The following BRF1 variants were observed in gnomAD, a reference collection of about 807,000 sequenced individuals.
The protein encoded by BRF1 is BRF1 general transcription factor IIIB subunit.
BRF1 carries 59 observed loss-of-function variants against 81.7 expected under a neutral mutation model. That is an observed-to-expected ratio of 0.72 (90% CI 0.59 to 0.90). BRF1 has a LOEUF of 0.90. Among genes scored for constraint, BRF1 ranks in the 40% least tolerant of loss-of-function variants. BRF1 has a pLI of 0.00. For missense variants in BRF1, 1,050 were observed against 936.3 expected, an observed-to-expected ratio of 1.12 and a Z score of -1.58; for synonymous variants, 491 against 395.6, an observed-to-expected ratio of 1.24 and a Z score of -2.86.
intron 14 of BRF1, 111 bp downstream of exon 14, chr14:105,218,887 C>G (rs958587992): frequency 4.7e-6 from 7 of 1,491,534 alleles, no homozygotes; most frequent in Non-Finnish European, 6.4e-6. Flanking sequence ...CGGCTGCCTG[C>G]CCTGGGGCCT....
chr14:105,258,807 G>T (rs190345409), intron 3 of BRF1, among the ~76,000 whole-genome samples: 6 of 150,812 alleles, frequency 4.0e-5, no homozygotes, highest in Non-Finnish European at 5.9e-5. Flanking sequence ...TCAAAAAAAA[G>T]AACTCTATTT....
Position 105,217,819 on chromosome 14 carries a change from GA to G in BRF1, c.1516-20del. On this transcript the variant is annotated intron_variant, in intron 14 of 17. Transcript: ENST00000547530. ...TCTTGGGCTTGAGGGAAACAAGCAAGAATGCCTCCCGTGAGTCACGCCCACT... is the reference window on the plus strand; with the variant it reads ...TCTTGGGCTTGAGGGAAACAAGCAAGATGCCTCCCGTGAGTCACGCCCACT... The G allele has an allele frequency of 6.2e-7, 1 of 1,606,592 alleles. No individual in the cohort carries two copies. The highest frequency in any genetic ancestry group is 8.5e-7 in the Non-Finnish European group (1 of 1,176,092).
intron 1 of BRF1, among the ~76,000 whole-genome samples, chr14:105,296,373 C>T (rs111655006): frequency 0.036 from 5,428 of 151,822 alleles, 180 homozygotes; most frequent in African/African-American, 0.086. Context: ...ATTAGCCGGG[C>T]GTGGTGCTGG....
rs1387338819 is a variant in BRF1 at position 105,211,165 on chromosome 14, G to A, written c.1953C>T (p.Asp651=). The A allele has an allele frequency of 8.1e-6, 13 of 1,612,360 alleles. No individual in the cohort carries two copies. Among genetic ancestry groups the A allele is most frequent in the East Asian group, 6.7e-5 (3 of 44,872 alleles). ...EADEEEPDEE[D]GEPCVSALQM... is the part of the protein sequence containing the mutation. ...GCAGGGCACTGACGCAGGGCTCCCC[G>A]TCCTCCTCGTCAGGCTCCTCCTCGT... The change falls in exon 17 of 18, where the codon GAC becomes GAT. Residue 651 remains aspartate (D), a synonymous_variant. Coordinates refer to ENST00000547530, the MANE Select transcript of BRF1 (RefSeq NM_001519.4).
chr14:105,225,412 C>A (rs928987661), intron 10 of BRF1, among the ~76,000 whole-genome samples: 2 of 152,160 alleles, frequency 1.3e-5, no homozygotes, highest in Admixed American at 6.5e-5. Context: ...TCATTATACC[C>A]GCTTATACCC....
chr14:105,241,059 A>G (rs1050098837), intron 6 of BRF1, among the ~76,000 whole-genome samples: 7 of 152,334 alleles, frequency 4.6e-5, no homozygotes, highest in Admixed American at 4.6e-4. Flanking sequence ...CCCTTATGCC[A>G]GGACACGCAG....
chr14:105,249,504 C>CG, intron 5 of BRF1: 6 of 905,216 alleles, frequency 6.6e-6, no homozygotes, highest in Admixed American at 2.0e-5. Context: ...TGGGGAGGGA[C>CG]GGGTGGGTCC....
chr14:105,249,062 C>G (rs1308920806), intron 5 of BRF1: 1 of 1,319,616 alleles, frequency 7.6e-7, no homozygotes. Context: ...GCTGGCGGTG[C>G]TGCCGCCCCA....
chr14:105,290,962 C>T (rs1248085385), intron 1 of BRF1, among the ~76,000 whole-genome samples: 1 of 152,084 alleles, frequency 6.6e-6, no homozygotes, highest in Non-Finnish European at 1.5e-5. Flanking sequence ...AGAACACTAA[C>T]CCACAGGGAG....
intron 1 of BRF1, among the ~76,000 whole-genome samples, chr14:105,294,470 C>T (rs2057653444): frequency 6.6e-6 from 1 of 152,234 alleles, no homozygotes. Flanking sequence ...GCCCGGGAAA[C>T]CCTGCGTCTG....
chr14:105,253,196 G>A (rs1325153242), intron 4 of BRF1, among the ~76,000 whole-genome samples: 3 of 152,204 alleles, frequency 2.0e-5, no homozygotes, highest in Non-Finnish European at 1.5e-5. Flanking sequence ...AGCAAAACAA[G>A]GACTCTAGCC....
intron 1 of BRF1, among the ~76,000 whole-genome samples, chr14:105,289,336 T>A (rs2057431345): frequency 1.3e-5 from 2 of 152,212 alleles, no homozygotes; most frequent in Non-Finnish European, 2.9e-5. Context: ...GGTGAGAACC[T>A]GTCTGAACAA....
intron 2 of BRF1, among the ~76,000 whole-genome samples, chr14:105,280,416 GA>G (rs1182821782): frequency 6.6e-6 from 1 of 152,244 alleles, no homozygotes; most frequent in African/African-American, 2.4e-5. Context: ...TTAGGACTCT[GA>G]AAGCACTCTG....
At position 105,300,669 on chromosome 14, in the gene BRF1, C is replaced by G. The variant is rs2057973658; in HGVS notation, c.-40G>C. The G allele has an allele frequency of 7.7e-7, 1 of 1,291,402 alleles. No homozygotes were observed. The highest frequency in any genetic ancestry group is 4.2e-5 in the Admixed American group (1 of 23,592). The allele number at this position is 1,291,402 out of a possible 1,614,324, so 80.0% of individuals were successfully genotyped here. On this transcript the variant is annotated 5_prime_UTR_variant, in exon 1 of 18. Transcript: ENST00000547530. ...GGGCAGCGCCCGGAGCCTCCCAAGACTCTCAAGCCACCCGAGCCTCCGGAG... is the reference window on the plus strand; with the variant it reads ...GGGCAGCGCCCGGAGCCTCCCAAGAGTCTCAAGCCACCCGAGCCTCCGGAG...
At chr14:105,282,321 C>T (rs1259400933) in intron 2 of BRF1, among the ~76,000 whole-genome samples, 1 of 152,242 alleles carries the variant, frequency 6.6e-6, no homozygotes, top group Non-Finnish European at 1.5e-5. Flanking sequence ...AGACAGAGTC[C>T]TCGCAGAACA....
Position 105,221,738 on chromosome 14 carries a change from C to CTCCCAG in BRF1, c.1224_1225insCTGGGA (p.Leu408_Gly409insLeuGly). 6.2e-7 allele frequency: 1 copy of CTCCCAG among 1,610,478 alleles called. No individual in the cohort carries two copies. The highest frequency in any genetic ancestry group is 8.5e-7 in the Non-Finnish European group (1 of 1,179,488). On this transcript the variant is annotated inframe_insertion, in exon 11 of 18. Coordinates refer to ENST00000547530, the MANE Select transcript of BRF1 (RefSeq NM_001519.4). Reference sequence around the variant, plus strand: ...GTGGGGAGGGGGTCCAGCAGGGACCCCAGGGCCGGAGGTCTGCCGCCCCAC... The same window carrying CTCCCAG: ...GTGGGGAGGGGGTCCAGCAGGGACCCTCCCAGCAGGGCCGGAGGTCTGCCGCCCCAC...
At chr14:105,256,810 G>A (rs1232306013) in intron 3 of BRF1, among the ~76,000 whole-genome samples, 1 of 152,172 alleles carries the variant, frequency 6.6e-6, no homozygotes, top group East Asian at 1.9e-4. Flanking sequence ...AAGGAACCTG[G>A]AGCCGGGTCG....
intron 2 of BRF1, among the ~76,000 whole-genome samples, chr14:105,281,381 G>C (rs932194814): frequency 9.7e-5 from 14 of 144,884 alleles, no homozygotes; most frequent in African/African-American, 2.3e-4. Flanking sequence ...CTGAGCCCGG[G>C]TGTGTGGATA....
intron 15 of BRF1, among the ~76,000 whole-genome samples, chr14:105,215,353 T>C (rs1217114288): frequency 1.3e-5 from 2 of 151,886 alleles, no homozygotes; most frequent in Non-Finnish European, 2.9e-5. Context: ...ACACACTGCA[T>C]GCACAGAGAG....
Sources: gnomAD v4.1 joint callset for allele counts (sites outside exome capture counted in the v4.1 genomes callset) on GRCh38, gnomAD v4.1.1 for gene constraint, MANE v1.5 for transcripts, NCBI Gene and HGNC (gene_info 2026-07-23, HGNC 2026-07-21) for gene names.